LRRTM4: variants seen among roughly 807,000 people sequenced by gnomAD.
LRRTM4 encodes the protein leucine-rich repeat transmembrane neuronal protein 4.
In LRRTM4, 25 loss-of-function variants were observed where a neutral mutation model predicts 47.6. That is an observed-to-expected ratio of 0.53 (90% CI 0.38 to 0.73). LRRTM4 has a LOEUF of 0.73. Among genes scored for constraint, LRRTM4 ranks in the 30% least tolerant of loss-of-function variants. The probability of loss-of-function intolerance (pLI) is 0.00; values close to 1 mark genes in which losing one functional copy is unlikely to be tolerated. For synonymous variants in LRRTM4, 311 were observed against 269.5 expected (o/e 1.15, Z -1.51); for missense variants, 638 against 713.4 (o/e 0.89, Z 1.20).
intron 3 of LRRTM4, among the ~76,000 whole-genome samples, chr2:76,848,774 C>T (rs943970779): frequency 5.9e-5 from 9 of 151,972 alleles, no homozygotes; most frequent in African/African-American, 2.2e-4. Context: ...ATTTGGGAAA[C>T]CTCTGCTTAA....
intron 3 of LRRTM4, among the ~76,000 whole-genome samples, chr2:77,259,251 A>G (rs1052815707): frequency 2.0e-5 from 3 of 152,090 alleles, no homozygotes; most frequent in Non-Finnish European, 2.9e-5. Flanking sequence ...GACATTGAGC[A>G]AATTTTTTAA....
chr2:77,220,196 A>C (rs1243569211), intron 3 of LRRTM4, among the ~76,000 whole-genome samples: 1 of 152,136 alleles, frequency 6.6e-6, no homozygotes, highest in Admixed American at 6.6e-5. Context: ...CACACCAAAA[A>C]CCCATCTGTA....
rs942089980 is a variant in LRRTM4, at chr2:76,782,498, C to T, written c.1552-33582G>A. 2.6e-5 allele frequency among the ~76,000 whole-genome samples: 4 copies of T among 152,154 alleles called. No individual in the cohort carries two copies. The South Asian group carries it at 6.2e-4, about 24-fold the overall frequency. On this transcript the variant is annotated intron_variant, in intron 3 of 3. Coordinates refer to ENST00000409884, the MANE Select transcript of LRRTM4 (RefSeq NM_001134745.3). ...ACAACACTTGAGCTCACTGCAATAGCAACAGGAGGTGACTATGAATTATTA... is the reference window on the plus strand; with the variant it reads ...ACAACACTTGAGCTCACTGCAATAGTAACAGGAGGTGACTATGAATTATTA...
chr2:77,415,235 T>G (rs780026128), intron 3 of LRRTM4, among the ~76,000 whole-genome samples: 1 of 152,176 alleles, frequency 6.6e-6, no homozygotes, highest in African/African-American at 2.4e-5. Flanking sequence ...ATTCTGATAA[T>G]GGAAGAATGA....
intron 3 of LRRTM4, among the ~76,000 whole-genome samples, chr2:77,209,556 T>C (rs1674235632): frequency 6.6e-6 from 1 of 152,212 alleles, no homozygotes. Flanking sequence ...GAGGTAGGTA[T>C]TATCGACAAT....
intron 3 of LRRTM4, among the ~76,000 whole-genome samples, chr2:77,147,872 T>G (rs1558604853): frequency 6.6e-6 from 1 of 152,182 alleles, no homozygotes; most frequent in Admixed American, 6.5e-5. Flanking sequence ...GGATACAATA[T>G]GTTTTTGACC....
intron 3 of LRRTM4, among the ~76,000 whole-genome samples, chr2:76,937,270 T>G (rs1674987540): frequency 6.6e-6 from 1 of 152,042 alleles, no homozygotes; most frequent in Admixed American, 6.6e-5. Context: ...ATTTATGAAG[T>G]TTATTAACTG....
intron 3 of LRRTM4, among the ~76,000 whole-genome samples, chr2:77,301,385 A>G (rs1006240685): frequency 3.3e-5 from 5 of 152,164 alleles, no homozygotes; most frequent in Admixed American, 1.3e-4. Context: ...ATAAAATATT[A>G]TAAGATATTT....
chr2:77,022,326 T>C (rs553789148), intron 3 of LRRTM4, among the ~76,000 whole-genome samples: 2 of 152,220 alleles, frequency 1.3e-5, no homozygotes, highest in East Asian at 3.9e-4. Flanking sequence ...AAAATGAGAT[T>C]TGGATGGGGA....
intron 3 of LRRTM4, among the ~76,000 whole-genome samples, chr2:77,453,176 A>ATTTTTTTTTTTTTTTTTTT: frequency 1.0e-5 from 1 of 99,504 alleles, no homozygotes; most frequent in Non-Finnish European, 2.0e-5. Context: ...TTTCTTCTTG[A>ATTTTTTTTTTTTTTTTTTT]TTTTTTTTTT....
chr2:77,091,092 C>G (rs898858708), intron 3 of LRRTM4, among the ~76,000 whole-genome samples: 2 of 152,022 alleles, frequency 1.3e-5, no homozygotes, highest in Non-Finnish European at 2.9e-5. Flanking sequence ...CTTATAAGCA[C>G]TCCTTTTTAG....
chr2:76,954,086 C>T (rs1185927544), intron 3 of LRRTM4, among the ~76,000 whole-genome samples: 1 of 151,834 alleles, frequency 6.6e-6, no homozygotes, highest in Non-Finnish European at 1.5e-5. Flanking sequence ...TGGGGGTGGT[C>T]TTTCTCTGAA....
intron 3 of LRRTM4, among the ~76,000 whole-genome samples, chr2:77,107,733 G>A (rs1671135729): frequency 6.7e-6 from 1 of 148,958 alleles, no homozygotes; most frequent in African/African-American, 2.5e-5. Context: ...CAGGAGAATT[G>A]CTTGAACCCG....
intron 3 of LRRTM4, among the ~76,000 whole-genome samples, chr2:77,434,605 A>C (rs2103913219): frequency 6.6e-6 from 1 of 152,364 alleles, no homozygotes; most frequent in African/African-American, 2.4e-5. Flanking sequence ...AACCATTGGT[A>C]CATAAAATTA....
chr2:77,306,939 G>A (rs532753229), intron 3 of LRRTM4, among the ~76,000 whole-genome samples: 8 of 112,184 alleles, frequency 7.1e-5, no homozygotes, highest in Middle Eastern at 6.8e-3. Context: ...TCGCTCTGTC[G>A]CCCAGGCTGG....
intron 3 of LRRTM4, among the ~76,000 whole-genome samples, chr2:77,319,941 G>T (rs1677737524): frequency 1.3e-5 from 2 of 152,120 alleles, no homozygotes; most frequent in African/African-American, 4.8e-5. Context: ...TTCTAGCGTT[G>T]TTCACTTAGA....
chr2:77,048,676 T>C (rs536663106), intron 3 of LRRTM4, among the ~76,000 whole-genome samples: 5 of 152,128 alleles, frequency 3.3e-5, no homozygotes, highest in Non-Finnish European at 7.4e-5. Context: ...TTTATGGGCA[T>C]AGTGTGATAT....
intron 3 of LRRTM4, among the ~76,000 whole-genome samples, chr2:77,494,144 G>T (rs1678271120): frequency 6.6e-6 from 1 of 152,016 alleles, no homozygotes; most frequent in South Asian, 2.1e-4. Flanking sequence ...TTCTTAATAT[G>T]TTAAAGGTTT....
chr2:77,344,799 C>T (rs1237823905), intron 3 of LRRTM4, among the ~76,000 whole-genome samples: 1 of 151,626 alleles, frequency 6.6e-6, no homozygotes, highest in East Asian at 1.9e-4. Context: ...ACCGGAGTTA[C>T]TAACATGAGT....
Sources: allele counts gnomAD v4.1 joint callset (sites outside exome capture counted in the v4.1 genomes callset), GRCh38; gene constraint gnomAD v4.1.1; transcripts MANE v1.5; gene names NCBI Gene and HGNC (gene_info 2026-07-23, HGNC 2026-07-21).